The following ZNF117 variants were observed in gnomAD, a reference collection of about 807,000 sequenced individuals.
ZNF117 encodes the protein Krueppel-related zinc finger protein.
Under a neutral mutation model 41.2 loss-of-function variants are expected in ZNF117, and 37 were observed. That is an observed-to-expected ratio of 0.90 (90% CI 0.69 to 1.18). The LOEUF is 1.18. Ranked by LOEUF, ZNF117 falls within the 50% of genes most tolerant of loss-of-function variation. ZNF117 has a pLI of 0.00. For synonymous variants in ZNF117, 186 were observed against 186.6 expected, an observed-to-expected ratio of 1.00 and a Z score of 0.02; for missense variants, 546 against 557.5, an observed-to-expected ratio of 0.98 and a Z score of 0.21.
chr7:64,984,704 A>C (rs2129120122), upstream of ZNF117, among the ~76,000 whole-genome samples: 1 of 152,346 alleles, frequency 6.6e-6, no homozygotes, highest in African/African-American at 2.4e-5. Flanking sequence ...TACTAGTCAT[A>C]ATGTACATAG....
chr7:64,989,438 T>G (rs12670240), intron 1 of ZNF117, among the ~76,000 whole-genome samples: 28,708 of 94,686 alleles, frequency 0.3, 5,093 homozygotes, highest in Middle Eastern at 0.47. Context: ...ATGTAGAACT[T>G]AAAATTATAT....
chr7:64,987,516 A>G (rs1026603365), intron 1 of ZNF117, among the ~76,000 whole-genome samples: 3 of 152,192 alleles, frequency 2.0e-5, no homozygotes, highest in African/African-American at 7.2e-5. Context: ...AAATCTTTGG[A>G]AAAAATTAAT....
In ZNF117 at chr7:64,977,515, T is replaced by C. The variant is rs1785917044; in HGVS notation, c.*604A>G. The C allele has an allele frequency of 9.6e-6, 5 of 522,368 alleles. No homozygotes were observed. The East Asian group carries it at 1.6e-4, about 16-fold the overall frequency. 32.4% of individuals were successfully genotyped at this position (522,368 alleles called of 1,614,324 possible). ...TCTCCAGTATGAATTCTTTTATGTATAGTAAGAGTTGACACTTGGTTAAAA... is the reference window on the plus strand; with the variant it reads ...TCTCCAGTATGAATTCTTTTATGTACAGTAAGAGTTGACACTTGGTTAAAA... On this transcript the variant is annotated 3_prime_UTR_variant, in exon 3 of 3. Coordinates refer to ENST00000620222, the Ensembl canonical transcript of ZNF117.
At chr7:64,981,194 G>A in intron 2 of ZNF117, 193 bp downstream of exon 3, 1 of 676,188 alleles carries the variant, frequency 1.5e-6, no homozygotes, top group Non-Finnish European at 2.4e-6. Context: ...TCACTAAAGG[G>A]AAAGAGGAAT....
At chr7:64,973,202 A>T (rs1785808587), downstream of ZNF117, 1 of 152,030 alleles carries the variant, frequency 6.6e-6, no homozygotes, top group Admixed American at 6.6e-5. Context: ...TATCATTCCA[A>T]ATATCAAATC....
intron 1 of ZNF117, among the ~76,000 whole-genome samples, chr7:64,989,488 T>C (rs1417450151): frequency 1.3e-5 from 1 of 76,546 alleles, no homozygotes; most frequent in Middle Eastern, 6.5e-3. Context: ...TATATATATA[T>C]ATATATATAT....
exon 3 of ZNF117, chr7:64,976,588 T>G: frequency 4.8e-6 from 1 of 208,784 alleles, no homozygotes; most frequent in Non-Finnish European, 9.7e-6. Flanking sequence ...TTTTCTGAAG[T>G]GCTTTCCTGT....
At chr7:64,984,756 G>T (rs1210287664), upstream of ZNF117, among the ~76,000 whole-genome samples, 1 of 145,598 alleles carries the variant, frequency 6.9e-6, no homozygotes, top group Admixed American at 6.9e-5. Flanking sequence ...AATTAAAACA[G>T]TTTATATTTC....
intron 2 of ZNF117, chr7:64,980,565 T>G (rs4718176): frequency 0.95 from 144,138 of 151,918 alleles, 68,845 homozygotes; most frequent in East Asian, 1. Flanking sequence ...ATGTAAAAAT[T>G]AAAAAGGTTA....
chr7:64,981,518 C>T (rs1483486155), intron 1 of ZNF117, 36 bp from the exon 3 acceptor site: 78 of 1,496,050 alleles, frequency 5.2e-5, no homozygotes, highest in East Asian at 1.1e-4. Context: ...AAATCTTGCA[C>T]ATATTCTCCA....
exon 1 of ZNF117, chr7:64,990,464 C>T (rs1384800578): frequency 5.4e-6 from 1 of 184,276 alleles, no homozygotes; most frequent in Non-Finnish European, 1.1e-5. Flanking sequence ...ATGCATCAGG[C>T]AGGGGCAAGT....
chr7:64,977,555 T>A, exon 3 of ZNF117: 2 of 553,398 alleles, frequency 3.6e-6, no homozygotes, highest in Non-Finnish European at 7.0e-6. Flanking sequence ...TGCCACATTC[T>A]TCACACTTGT....
intron 1 of ZNF117, among the ~76,000 whole-genome samples, chr7:64,987,226 A>G (rs1786154903): frequency 6.6e-6 from 1 of 152,230 alleles, no homozygotes; most frequent in Admixed American, 6.5e-5. Context: ...TTAAGGCAGA[A>G]ATAAAAAAGT....
upstream of ZNF117, among the ~76,000 whole-genome samples, chr7:64,986,591 A>T (rs1278023158): frequency 6.6e-6 from 1 of 152,180 alleles, no homozygotes; most frequent in Non-Finnish European, 1.5e-5. Context: ...TAACAGAAAC[A>T]CCTTAGGGTA....
At chr7:64,984,848 T>C (rs1786099641), upstream of ZNF117, among the ~76,000 whole-genome samples, 1 of 152,208 alleles carries the variant, frequency 6.6e-6, no homozygotes, top group African/African-American at 2.4e-5. Context: ...TGGAGTGCAG[T>C]GGTGCAATCT....
At chr7:64,976,181 C>T (rs779570204) in exon 3 of ZNF117, 8 of 152,236 alleles carry the variant, frequency 5.3e-5, no homozygotes, top group Admixed American at 1.3e-4. Context: ...GTGACTCACA[C>T]CTATAATCCC....
exon 3 of ZNF117, chr7:64,974,960 C>A (rs989039091): frequency 6.6e-6 from 1 of 151,682 alleles, no homozygotes; most frequent in South Asian, 2.1e-4. Context: ...TATATACACA[C>A]ACTATGTACC....
At chr7:64,987,107 C>A (rs183289431), upstream of ZNF117, among the ~76,000 whole-genome samples, 18 of 152,228 alleles carry the variant, frequency 1.2e-4, no homozygotes, top group African/African-American at 3.9e-4. Flanking sequence ...ACACTCTGAC[C>A]ACAACTTGAT....
At chr7:64,987,366 T>A (rs1002673680) in intron 1 of ZNF117, among the ~76,000 whole-genome samples, 1 of 152,070 alleles carries the variant, frequency 6.6e-6, no homozygotes, top group Admixed American at 6.6e-5. Context: ...AATTTAACAA[T>A]GTAATATCAT....
Sources: gnomAD v4.1 joint callset for allele counts (sites outside exome capture counted in the v4.1 genomes callset) on GRCh38, gnomAD v4.1.1 for gene constraint, MANE v1.5 for transcripts, NCBI Gene and HGNC (gene_info 2026-07-23, HGNC 2026-07-21) for gene names.